CPNE4: variants seen among roughly 807,000 people sequenced by gnomAD.
CPNE4 encodes copine-4.
A neutral mutation model predicts 67.9 loss-of-function variants in CPNE4; 25 were observed. The ratio of observed to expected loss-of-function variants is 0.37; its 90% CI spans 0.27 to 0.51. The LOEUF is 0.51. Among genes scored for constraint, CPNE4 ranks in the 20% least tolerant of loss-of-function variants. CPNE4 has a pLI of 0.93. For missense variants in CPNE4, 464 were observed against 690.8 expected (o/e 0.67, Z 3.68); for synonymous variants, 242 against 244.9 (o/e 0.99, Z 0.11).
chr3:131,986,842 A>AC (rs1434592407), intron 1 of CPNE4, among the ~76,000 whole-genome samples: 4 of 124,822 alleles, frequency 3.2e-5, no homozygotes, highest in Admixed American at 8.2e-5. Flanking sequence ...AAAAAAAAAA[A>AC]CAAAAAAAAA....
rs139571908 is a variant in CPNE4 at position 131,759,187 on chromosome 3, G to A, written c.181-35562C>T. 3.3e-3 allele frequency among the ~76,000 whole-genome samples: 502 copies of A among 152,242 alleles called. 1 individual carries two copies. Among genetic ancestry groups the A allele is most frequent in the African/African-American group, 8.5e-3 (353 of 41,534 alleles). ...GGTCATTGGGCAACAAGGAATGAAC[G>A]AGATGGATGCTGAAAAGCCACTGAG... is the stretch of plus-strand genomic sequence containing the variant. On this transcript the variant is annotated intron_variant, in intron 2 of 15. Coordinates refer to ENST00000429747, the MANE Select transcript of CPNE4 (RefSeq NM_130808.3).
intron 2 of CPNE4, among the ~76,000 whole-genome samples, chr3:131,818,165 A>G (rs1388131200): frequency 1.3e-5 from 2 of 152,274 alleles, no homozygotes; most frequent in East Asian, 3.9e-4. Context: ...TTTTTTGGGA[A>G]AACACAAAAC....
chr3:131,710,387 CT>C (rs975622684), intron 3 of CPNE4, among the ~76,000 whole-genome samples: 3 of 152,022 alleles, frequency 2.0e-5, no homozygotes, highest in Non-Finnish European at 4.4e-5. Flanking sequence ...GAAAAAGACA[CT>C]TTTTAGATAT....
intron 1 of CPNE4, among the ~76,000 whole-genome samples, chr3:131,986,755 C>T (rs901122336): frequency 7.5e-5 from 11 of 146,850 alleles, no homozygotes; most frequent in African/African-American, 2.3e-4. Flanking sequence ...AATTAGAAGC[C>T]GGGAGGCGGA....
chr3:131,723,000 AGCCTCT>A (rs1361807974), intron 3 of CPNE4, among the ~76,000 whole-genome samples: 1 of 152,232 alleles, frequency 6.6e-6, no homozygotes, highest in Non-Finnish European at 1.5e-5. Flanking sequence ...GTATCCATTT[AGCCTCT>A]GCCTTGGGCT....
chr3:131,694,926 G>T (rs1223584797), intron 5 of CPNE4, among the ~76,000 whole-genome samples: 1 of 152,162 alleles, frequency 6.6e-6, no homozygotes, highest in Non-Finnish European at 1.5e-5. Context: ...CTTCATTTAG[G>T]TTGCTAGATT....
At chr3:132,018,052 T>A (rs2073923124) in intron 1 of CPNE4, among the ~76,000 whole-genome samples, 1 of 152,142 alleles carries the variant, frequency 6.6e-6, no homozygotes, top group Admixed American at 6.5e-5. Flanking sequence ...TCTTGGCAAA[T>A]GTACAACTCT....
At chr3:131,837,047 T>C (rs1280451484) in intron 2 of CPNE4, among the ~76,000 whole-genome samples, 1 of 152,144 alleles carries the variant, frequency 6.6e-6, no homozygotes, top group Admixed American at 6.6e-5. Flanking sequence ...TCTATTAGCA[T>C]TGCTAAAATA....
rs58456346 is a variant in CPNE4 at position 131,596,621 on chromosome 3, CAAAAAAA to C, written c.682-9046_682-9040del. On this transcript the variant is annotated intron_variant, in intron 7 of 15. Coordinates refer to ENST00000429747, the MANE Select transcript of CPNE4 (RefSeq NM_130808.3). ...TGGGCGACAGAGCGAGACTCCGTCT[CAAAAAAA>C]AAAAAAAAAAAAAAAAAAAAAAAAT... 2.3e-3 allele frequency among the ~76,000 whole-genome samples: 76 copies of C among 32,980 alleles called. 1 individual carries two copies. Among genetic ancestry groups the C allele is most frequent in the African/African-American group, 5.3e-3 (57 of 10,674 alleles). 21.6% of individuals were successfully genotyped at this position (32,980 alleles called of 152,430 possible).
intron 2 of CPNE4, among the ~76,000 whole-genome samples, chr3:131,861,984 C>T (rs1334244089): frequency 6.6e-6 from 1 of 152,194 alleles, no homozygotes; most frequent in East Asian, 1.9e-4. Context: ...AATATTTAGA[C>T]ATCATCTCCC....
rs899790474 is a variant in CPNE4, at chr3:131,905,381, G to C, written c.63C>G (p.Pro21=). 2 of 1,613,428 alleles carry C rather than the reference G, an allele frequency of 1.2e-6. No individual in the cohort carries two copies. Among genetic ancestry groups the C allele is most frequent in the Non-Finnish European group, 1.7e-6 (2 of 1,179,694 alleles). The change falls in exon 2 of 16, where the codon CCC becomes CCG. Residue 21 remains proline (P), a synonymous_variant. Coordinates refer to ENST00000429747, the MANE Select transcript of CPNE4 (RefSeq NM_130808.3). ...CACGCAGCTCAACTTTGGTCAGGCA[G>C]GGGCTGTTAAAGATTCCCAGTGTGT... ...AANTLGIFNS[P]CLTKVELRVA...
intron 3 of CPNE4, among the ~76,000 whole-genome samples, chr3:131,717,853 G>T (rs7643350): frequency 1.2e-5 from 1 of 81,160 alleles, no homozygotes. Flanking sequence ...TTCCTTCCTC[G>T]CTCCCTCCTT....
intron 6 of CPNE4, among the ~76,000 whole-genome samples, chr3:131,683,017 A>G (rs1017648052): frequency 5.9e-5 from 9 of 151,908 alleles, no homozygotes; most frequent in Non-Finnish European, 1.2e-4. Context: ...CAGGCATAGG[A>G]CTCTCTCTTC....
At chr3:131,737,284 T>G (rs1411450282) in intron 2 of CPNE4, among the ~76,000 whole-genome samples, 1 of 151,770 alleles carries the variant, frequency 6.6e-6, no homozygotes, top group African/African-American at 2.4e-5. Flanking sequence ...CTACCACACC[T>G]GGCTAATTTT....
At chr3:131,793,612 T>C (rs1271488217) in intron 2 of CPNE4, among the ~76,000 whole-genome samples, 1 of 152,202 alleles carries the variant, frequency 6.6e-6, no homozygotes, top group African/African-American at 2.4e-5. Context: ...GATCCAAATA[T>C]ACAAATCTAT....
At chr3:132,029,870 A>G (rs1326770349) in intron 1 of CPNE4, among the ~76,000 whole-genome samples, 2 of 142,472 alleles carry the variant, frequency 1.4e-5, no homozygotes, top group Non-Finnish European at 3.1e-5. Flanking sequence ...TGTTCCTGGA[A>G]CTGTAAACAC....
chr3:132,013,576 C>T (rs6802764), intron 1 of CPNE4, among the ~76,000 whole-genome samples: 44,386 of 152,124 alleles, frequency 0.29, 6,691 homozygotes, highest in African/African-American at 0.37. Flanking sequence ...CCAGATTAGA[C>T]CATAATTCCT....
chr3:131,814,469 G>T, intron 2 of CPNE4, among the ~76,000 whole-genome samples: 1 of 150,474 alleles, frequency 6.6e-6, no homozygotes, highest in Non-Finnish European at 1.5e-5. Flanking sequence ...CGTGTGTACA[G>T]AAGGGAGAAA....
chr3:131,994,883 A>G (rs1397022643), intron 1 of CPNE4, among the ~76,000 whole-genome samples: 1 of 152,156 alleles, frequency 6.6e-6, no homozygotes, highest in African/African-American at 2.4e-5. Flanking sequence ...TTTTCCTTTT[A>G]GAGACAGGGT....
Sources: allele counts gnomAD v4.1 joint callset (sites outside exome capture counted in the v4.1 genomes callset), GRCh38; gene constraint gnomAD v4.1.1; transcripts MANE v1.5; gene names NCBI Gene and HGNC (gene_info 2026-07-23, HGNC 2026-07-21).